The following CDH23 variants were observed in gnomAD, a reference collection of about 807,000 sequenced individuals.
CDH23 encodes the protein cadherin related 23, also known as cadherin-23.
In CDH23, 189 loss-of-function variants were observed where a neutral mutation model predicts 317.1. The observed-to-expected ratio is 0.60, with a 90% confidence interval of 0.53 to 0.67. The LOEUF (loss-of-function observed/expected upper bound fraction) is 0.67, where lower values mean the gene tolerates loss of function less well. Among genes scored for constraint, CDH23 ranks in the 30% least tolerant of loss-of-function variants. The probability of loss-of-function intolerance (pLI) is 0.00; values close to 1 mark genes in which losing one functional copy is unlikely to be tolerated. For synonymous variants in CDH23, 1,839 were observed against 1,876.8 expected, an observed-to-expected ratio of 0.98 and a Z score of 0.52; for missense variants, 4,401 against 4,592.4, an observed-to-expected ratio of 0.96 and a Z score of 1.20.
intron 1 of CDH23, among the ~76,000 whole-genome samples, chr10:71,425,969 A>G (rs972908858): frequency 6.6e-6 from 1 of 152,218 alleles, no homozygotes; most frequent in Non-Finnish European, 1.5e-5. Flanking sequence ...GAGCAGAGAA[A>G]GCAAAGGAGA....
intron 6 of CDH23, among the ~76,000 whole-genome samples, chr10:71,524,558 A>G (rs1854915117): frequency 6.6e-6 from 1 of 152,190 alleles, no homozygotes; most frequent in Middle Eastern, 3.2e-3. Flanking sequence ...TGGTAAGCAG[A>G]GTAATGCCCC....
At chr10:71,649,691 T>C (rs1221036531) in intron 14 of CDH23, among the ~76,000 whole-genome samples, 1 of 152,186 alleles carries the variant, frequency 6.6e-6, no homozygotes, top group Non-Finnish European at 1.5e-5. Context: ...ATACAAAAAG[T>C]CCACCTTCTG....
intron 1 of CDH23, among the ~76,000 whole-genome samples, chr10:71,405,432 C>CTTT (rs397824446): frequency 7.7e-6 from 1 of 130,674 alleles, no homozygotes; most frequent in Non-Finnish European, 1.6e-5. Context: ...GGTAGACTAT[C>CTTT]TTTTTTTTTT....
intron 11 of CDH23, chr10:71,617,604 CAT>C (rs1295281290): frequency 2.4e-5 from 31 of 1,272,808 alleles, no homozygotes; most frequent in Non-Finnish European, 3.1e-5. Flanking sequence ...CATGTAAGCA[CAT>C]GTTTCCATAT....
chr10:71,716,842 T>A (rs888802649), intron 28 of CDH23: 1 of 153,764 alleles, frequency 6.5e-6, no homozygotes, highest in African/African-American at 2.4e-5. Flanking sequence ...AATGTAATTA[T>A]GAATATTTTC....
chr10:71,789,031 ACT>A lies in CDH23; in HGVS notation c.5916_5917del (p.Pro1973ArgfsTer38), dbSNP rs2132945765. On this transcript the variant is annotated frameshift_variant, in exon 45 of 70. Coordinates refer to ENST00000224721, the MANE Select transcript of CDH23 (RefSeq NM_022124.6). LOFTEE classifies it high-confidence loss of function. ...ACCTACCAGGCAGAGGTGATGGAAA[ACT>A]CTCCCGCTGGTAGGTGCTGGGCCCA... is the stretch of plus-strand genomic sequence containing the variant. 13 of 1,555,862 alleles carry A rather than the reference ACT, an allele frequency of 8.4e-6. No individual in the cohort carries two copies. The highest frequency in any genetic ancestry group is 1.1e-5 in the South Asian group (1 of 89,878).
At chr10:71,673,759 T>C (rs376754842) in intron 14 of CDH23, among the ~76,000 whole-genome samples, 8 of 152,320 alleles carry the variant, frequency 5.3e-5, no homozygotes, top group African/African-American at 1.9e-4. Flanking sequence ...TAATAGTACC[T>C]ACCTCACAGG....
intron 1 of CDH23, among the ~76,000 whole-genome samples, chr10:71,411,162 A>G (rs987901981): frequency 6.6e-6 from 1 of 152,222 alleles, no homozygotes; most frequent in Non-Finnish European, 1.5e-5. Flanking sequence ...CTGAAATTCC[A>G]TAAAAGCCCT....
intron 7 of CDH23, among the ~76,000 whole-genome samples, chr10:71,567,384 C>A (rs1337420474): frequency 6.6e-6 from 1 of 152,218 alleles, no homozygotes; most frequent in African/African-American, 2.4e-5. Context: ...CCTGCAGGGC[C>A]CAAAGGAGTT....
intron 47 of CDH23, among the ~76,000 whole-genome samples, chr10:71,792,842 AAAAAAAAAAAATATATATAT>A (rs1296298659): frequency 8.5e-5 from 6 of 70,876 alleles, no homozygotes; most frequent in African/African-American, 3.2e-4. Flanking sequence ...AAAAAAAAAA[AAAAAAAAAAAATATATATAT>A]ATATATATAT....
At position 71,807,461 on chromosome 10, in the gene CDH23, A is replaced by G. The variant is rs951312271; in HGVS notation, c.8308+55A>G. The G allele has an allele frequency of 2.5e-6, 4 of 1,612,608 alleles. No homozygotes were observed. In the African/African-American group the frequency reaches 4.0e-5, roughly 16 times the overall value. ...TACCCTGGGGCTAGAGATGACCCACATATGCCCTGCTCCTGGCCCTGCCCC... is the reference window on the plus strand; with the variant it reads ...TACCCTGGGGCTAGAGATGACCCACGTATGCCCTGCTCCTGGCCCTGCCCC... On this transcript the variant is annotated intron_variant, in intron 58 of 69. Coordinates refer to ENST00000224721, the MANE Select transcript of CDH23 (RefSeq NM_022124.6).
chr10:71,778,841 G>A (rs1055316136), intron 40 of CDH23, among the ~76,000 whole-genome samples: 6 of 152,020 alleles, frequency 3.9e-5, no homozygotes, highest in South Asian at 2.1e-4. Flanking sequence ...CTGCAGACTC[G>A]ACCTCCTGGA....
At chr10:71,522,833 A>G (rs1854775513) in intron 6 of CDH23, among the ~76,000 whole-genome samples, 1 of 152,048 alleles carries the variant, frequency 6.6e-6, no homozygotes, top group Non-Finnish European at 1.5e-5. Context: ...AAAAAAGGAG[A>G]GGGGTCTTTT....
At chr10:71,472,269 C>T (rs537644032) in intron 3 of CDH23, among the ~76,000 whole-genome samples, 12 of 152,302 alleles carry the variant, frequency 7.9e-5, no homozygotes, top group Admixed American at 4.6e-4. Flanking sequence ...CTTCTCTCCT[C>T]GGGTGGTAGC....
At chr10:71,755,359 G>A (rs751911109) in intron 38 of CDH23, 23 of 1,603,078 alleles carry the variant, frequency 1.4e-5, no homozygotes, top group Non-Finnish European at 1.7e-5. Flanking sequence ...GAATACTCAC[G>A]GCGGTTGGAG....
In CDH23 at chr10:71,566,814, C is replaced by T; in HGVS notation, c.502C>T (p.Leu168Phe). The change falls in exon 7 of 70, where the codon CTC becomes TTC. Residue 168 changes from leucine (L) to phenylalanine (F), a missense_variant. This residue lies in a region of CDH23 where 3,068 missense variants were observed against 3,203.3 expected (regional missense o/e 0.96). Transcript: ENST00000224721. ...CGACTTGGGGGCAGGGGGCAGCGTC[C>T]TCTACTCCTTCCAGCCCCCCTCCCA... ...DPDLGAGGSV[L>F]YSFQPPSQFF... 1.9e-6 allele frequency: 3 copies of T among 1,613,982 alleles called. No individual in the cohort carries two copies. The highest frequency in any genetic ancestry group is 1.7e-6 in the Non-Finnish European group (2 of 1,179,868).
intron 11 of CDH23, among the ~76,000 whole-genome samples, chr10:71,634,666 G>T (rs946608663): frequency 6.6e-6 from 1 of 152,258 alleles, no homozygotes. Context: ...CCCTGGGATC[G>T]TGGGAGGCTG....
intron 3 of CDH23, among the ~76,000 whole-genome samples, chr10:71,494,334 G>C (rs187353513): frequency 3.8e-4 from 58 of 152,252 alleles, no homozygotes; most frequent in Admixed American, 1.3e-3. Context: ...CTATGTCTTG[G>C]ATAACTGGGT....
chr10:71,760,863 C>T, intron 38 of CDH23: 1 of 1,613,098 alleles, frequency 6.2e-7, no homozygotes, highest in Non-Finnish European at 8.5e-7. Context: ...AGGTTGGTCC[C>T]TTACTTTCAC....
Sources: gnomAD v4.1 joint callset for allele counts (sites outside exome capture counted in the v4.1 genomes callset) on GRCh38, gnomAD v4.1.1 for gene constraint, gnomAD v4.1.1 regional missense constraint, MANE v1.5 for transcripts, NCBI Gene and HGNC (gene_info 2026-07-23, HGNC 2026-07-21) for gene names.